PTPRZ1: variants seen among roughly 807,000 people sequenced by gnomAD.
PTPRZ1 encodes protein tyrosine phosphatase receptor type Z1, also known as receptor-type tyrosine-protein phosphatase zeta.
PTPRZ1 carries 82 observed loss-of-function variants against 214.1 expected under a neutral mutation model. That is an observed-to-expected ratio of 0.38 (90% CI 0.32 to 0.46). The LOEUF is 0.46. Ranked by LOEUF, PTPRZ1 falls within the 20% of genes least tolerant of loss-of-function variation. The pLI is 1.00. For missense variants in PTPRZ1, 2,603 were observed against 2,748.7 expected (o/e 0.95, Z 1.19); for synonymous variants, 945 against 987.9 (o/e 0.96, Z 0.81).
chr7:121,996,200 G>C (rs1031185249), intron 8 of PTPRZ1, among the ~76,000 whole-genome samples, 182 bp from the exon 9 acceptor site: 7 of 152,192 alleles, frequency 4.6e-5, no homozygotes, highest in Non-Finnish European at 7.3e-5. Context: ...ATAGAGTTAA[G>C]AGGGGTGGAA....
At chr7:122,031,215 A>C (rs1203127710) in intron 14 of PTPRZ1, among the ~76,000 whole-genome samples, 3 of 152,070 alleles carry the variant, frequency 2.0e-5, no homozygotes, top group Non-Finnish European at 4.4e-5. Flanking sequence ...GTATTTATAA[A>C]TTAACATTGA....
At chr7:121,904,644 A>C (rs1424427637) in intron 1 of PTPRZ1, among the ~76,000 whole-genome samples, 1 of 152,168 alleles carries the variant, frequency 6.6e-6, no homozygotes, top group South Asian at 2.1e-4. Context: ...AATGTTATGG[A>C]CCTTATAATC....
chr7:121,928,550 G>A (rs1048234619), intron 2 of PTPRZ1, among the ~76,000 whole-genome samples: 1 of 152,078 alleles, frequency 6.6e-6, no homozygotes, highest in African/African-American at 2.4e-5. Context: ...CATTAAATGA[G>A]ATAAATAAAG....
intron 1 of PTPRZ1, among the ~76,000 whole-genome samples, chr7:121,885,909 T>C (rs1419568125): frequency 1.3e-5 from 2 of 152,200 alleles, no homozygotes; most frequent in Non-Finnish European, 2.9e-5. Flanking sequence ...GATCAAATAT[T>C]CAGCCAAATA....
chr7:121,998,167 T>C (rs577954545), intron 10 of PTPRZ1, among the ~76,000 whole-genome samples, 161 bp downstream of exon 10: 5 of 152,294 alleles, frequency 3.3e-5, no homozygotes, highest in Non-Finnish European at 5.9e-5. Context: ...ATGGGACCCA[T>C]TTCTCATTCA....
Position 122,055,816 on chromosome 7 carries a change from A to T in PTPRZ1, c.6528+729A>T, listed in dbSNP as rs10215837. Among the ~76,000 whole-genome samples the T allele has an allele frequency of 9.6e-3, 1,455 of 152,026 alleles. 24 individuals are homozygous for T. The highest frequency in any genetic ancestry group is 0.032 in the African/African-American group (1,341 of 41,532). ...AGAGTACCTTCTCAATATGACAAAG[A>T]TTAAATCATGTTCCAAATAATTTGA... On this transcript the variant is annotated intron_variant, in intron 27 of 29. Coordinates refer to ENST00000393386, the MANE Select transcript of PTPRZ1 (RefSeq NM_002851.3).
intron 13 of PTPRZ1, among the ~76,000 whole-genome samples, chr7:122,022,786 C>T (rs1037575726): frequency 6.6e-6 from 1 of 152,040 alleles, no homozygotes; most frequent in Non-Finnish European, 1.5e-5. Context: ...AAGAATTTAA[C>T]AAAATTAAAG....
At chr7:122,024,907 C>A (rs1799163792) in intron 13 of PTPRZ1, among the ~76,000 whole-genome samples, 1 of 152,072 alleles carries the variant, frequency 6.6e-6, no homozygotes, top group Non-Finnish European at 1.5e-5. Flanking sequence ...ATCCAGCCAC[C>A]CATTCGTCCA....
chr7:121,946,644 ACTTCAAAATACCTCC>A (rs1796384311), intron 2 of PTPRZ1, among the ~76,000 whole-genome samples: 1 of 152,196 alleles, frequency 6.6e-6, no homozygotes, highest in Admixed American at 6.5e-5. Flanking sequence ...TATTGCTATA[ACTTCAAAATACCTCC>A]CCTCAAAATA....
chr7:122,027,019 T>C (rs1282796350), intron 13 of PTPRZ1, among the ~76,000 whole-genome samples: 1 of 152,164 alleles, frequency 6.6e-6, no homozygotes, highest in African/African-American at 2.4e-5. Context: ...ATTATAAACA[T>C]ATAAAACAAA....
chr7:121,887,585 G>T (rs1794435900), intron 1 of PTPRZ1, among the ~76,000 whole-genome samples: 2 of 152,132 alleles, frequency 1.3e-5, no homozygotes, highest in Admixed American at 6.6e-5. Context: ...CTTCCTAAGG[G>T]CTTTTACTCA....
At chr7:121,996,113 T>C (rs1032042444) in intron 8 of PTPRZ1, among the ~76,000 whole-genome samples, 1 of 152,070 alleles carries the variant, frequency 6.6e-6, no homozygotes, top group African/African-American at 2.4e-5. Context: ...ATCACTTCAG[T>C]AGAGATTAAT....
At chr7:122,000,680 T>TTTG (rs1338899973) in intron 10 of PTPRZ1, among the ~76,000 whole-genome samples, 1 of 100,062 alleles carries the variant, frequency 1.0e-5, no homozygotes, top group African/African-American at 4.0e-5. Flanking sequence ...TATATATATA[T>TTTG]ATATATATAT....
In PTPRZ1 at chr7:122,034,112, C is replaced by T. The variant is rs1370056821; in HGVS notation, c.5184C>T (p.Tyr1728=). Residue 1728 remains tyrosine, a synonymous_variant, in exon 16 of 30, where the codon TAC becomes TAT. Coordinates refer to ENST00000393386, the MANE Select transcript of PTPRZ1 (RefSeq NM_002851.3). ...TEEFETLKEF[Y]QEVQSCTVDL... ...CTCATTAGACACTGAAAGAGTTTTA[C>T]CAGGTAAGGCATTATTTCACTGCAT... 4 of 1,596,848 alleles carry T rather than the reference C, an allele frequency of 2.5e-6. No individual in the cohort carries two copies. The African/African-American group carries it at 4.0e-5, about 16-fold the overall frequency.
At chr7:121,945,867 G>C (rs1796356772) in intron 2 of PTPRZ1, among the ~76,000 whole-genome samples, 3 of 152,198 alleles carry the variant, frequency 2.0e-5, no homozygotes, top group Admixed American at 1.3e-4. Flanking sequence ...GTTAGACTTA[G>C]TGATGGGGTA....
In PTPRZ1 at chr7:122,061,063, C is replaced by T. The variant is rs1792561134; in HGVS notation, c.6808-17C>T. 2.5e-6 allele frequency: 4 copies of T among 1,569,438 alleles called. No individual in the cohort carries two copies. Among genetic ancestry groups the T allele is most frequent in the African/African-American group, 2.7e-5 (2 of 72,974 alleles). On this transcript the variant is annotated splice_polypyrimidine_tract_variant and intron_variant, in intron 29 of 29. Transcript: ENST00000393386. ...ACTGAGCTTCGCATTTATTACCTCC[C>T]ATCTTCTGTTCTCTAGGAGCAGTAT...
intron 2 of PTPRZ1, among the ~76,000 whole-genome samples, chr7:121,953,616 T>C (rs112475382): frequency 6.6e-6 from 1 of 152,328 alleles, no homozygotes; most frequent in African/African-American, 2.4e-5. Context: ...TGGCATTATT[T>C]CAGTCCTTGG....
At chr7:121,952,332 C>T (rs1024632404) in intron 2 of PTPRZ1, among the ~76,000 whole-genome samples, 1 of 151,902 alleles carries the variant, frequency 6.6e-6, no homozygotes, top group African/African-American at 2.4e-5. Flanking sequence ...ACCTGTAATT[C>T]CAGTGCTTTG....
intron 29 of PTPRZ1, among the ~76,000 whole-genome samples, chr7:122,060,527 G>A (rs2150498111): frequency 6.6e-6 from 1 of 152,282 alleles, no homozygotes; most frequent in South Asian, 2.1e-4. Flanking sequence ...CCACTGCTCT[G>A]AGACCACAGC....
Sources: allele counts gnomAD v4.1 joint callset (sites outside exome capture counted in the v4.1 genomes callset), GRCh38; gene constraint gnomAD v4.1.1; transcripts MANE v1.5; gene names NCBI Gene and HGNC (gene_info 2026-07-23, HGNC 2026-07-21).